GAS7: variants seen among roughly 807,000 people sequenced by gnomAD.
GAS7 encodes growth arrest specific 7, also known as growth arrest-specific protein 7.
GAS7 carries 28 observed loss-of-function variants against 71.1 expected under a neutral mutation model. The ratio of observed to expected loss-of-function variants is 0.39; its 90% CI spans 0.29 to 0.54. The LOEUF is 0.54. Among genes scored for constraint, GAS7 ranks in the 20% least tolerant of loss-of-function variants. The pLI is 0.62. For synonymous variants in GAS7, 258 were observed against 245.8 expected, an observed-to-expected ratio of 1.05 and a Z score of -0.46; for missense variants, 436 against 627.8, an observed-to-expected ratio of 0.69 and a Z score of 3.27.
rs1373552607 is a variant in GAS7 at position 9,969,738 on chromosome 17, G to A, written c.410C>T (p.Thr137Ile). 2.5e-6 allele frequency: 4 copies of A among 1,611,294 alleles called. No homozygotes were observed. The highest frequency in any genetic ancestry group is 1.7e-6 in the Non-Finnish European group (2 of 1,177,428). ...GGCAGTCTCTGGAGGGTGCGCTGGG[G>A]TCCCTGATGCGTGGTATCCATTCAC... ...PTVNGYHASG[T>I]PAHPPETAHM... is the part of the protein sequence containing the mutation. Residue 137 changes from threonine (T) to isoleucine (I), a missense_variant, in exon 4 of 14, where the codon ACC becomes ATC. Coordinates refer to ENST00000432992, the MANE Select transcript of GAS7 (RefSeq NM_201433.2). The surrounding 1 kb of genome is among the most constrained non-coding windows in gnomAD (Gnocchi z 5.5).
chr17:10,026,103 G>T lies in GAS7; in HGVS notation c.184-6206C>A, dbSNP rs1041143826. ...CAACCCGGATGCCACCTCCACCTCC[G>T]GGACTCTCTCCCCCTCCGGAGGTTT... is the stretch of plus-strand genomic sequence containing the variant. On this transcript the variant is annotated intron_variant, in intron 1 of 13. Coordinates refer to ENST00000432992, the MANE Select transcript of GAS7 (RefSeq NM_201433.2). The surrounding 1 kb of genome is among the most constrained non-coding windows in gnomAD (Gnocchi z 4.5). The T allele has an allele frequency of 9.5e-6, 9 of 945,080 alleles. No homozygotes were observed. Among genetic ancestry groups the T allele is most frequent in the Non-Finnish European group, 1.1e-5 (9 of 793,030 alleles). 58.5% of individuals were successfully genotyped at this position (945,080 alleles called of 1,614,324 possible). A position where few individuals can be genotyped will look rare whatever the true frequency, so the allele number is the denominator to read the frequency against.
intron 3 of GAS7, among the ~76,000 whole-genome samples, chr17:9,979,750 C>A (rs188509264): frequency 6.6e-6 from 1 of 152,272 alleles, no homozygotes. Flanking sequence ...CCTTCACCGA[C>A]CACTCTGGCT....
intron 2 of GAS7, among the ~76,000 whole-genome samples, chr17:10,000,437 T>C (rs1281593118): frequency 1.3e-5 from 2 of 152,158 alleles, no homozygotes; most frequent in African/African-American, 4.8e-5. Flanking sequence ...CCAATTACTC[T>C]TGACTTGAAA....
chr17:9,913,574 C>T lies in GAS7; in HGVS notation c.*3654G>A, dbSNP rs558628897. 206 of 230,758 alleles carry T rather than the reference C, an allele frequency of 8.9e-4. No individual in the cohort carries two copies. Among genetic ancestry groups the T allele is most frequent in the Non-Finnish European group, 1.5e-3 (177 of 116,356 alleles). 14.3% of individuals were successfully genotyped at this position (230,758 alleles called of 1,614,324 possible). A position where few individuals can be genotyped will look rare whatever the true frequency, so the allele number is the denominator to read the frequency against. ...TTCGTTGGTACACTGTTTCGGTGTGCCCAGCTGTTTATCAATCCTGACTAG... is the reference window on the plus strand; with the variant it reads ...TTCGTTGGTACACTGTTTCGGTGTGTCCAGCTGTTTATCAATCCTGACTAG... On this transcript the variant is annotated 3_prime_UTR_variant, in exon 14 of 14. Transcript: ENST00000432992.
At chr17:10,173,878 A>C (rs2074353250) in intron 1 of GAS7, among the ~76,000 whole-genome samples, 1 of 152,228 alleles carries the variant, frequency 6.6e-6, no homozygotes, top group South Asian at 2.1e-4. Context: ...CCAAAGAACC[A>C]GCAGCAGCAG....
In GAS7 at chr17:9,979,180, C is replaced by T. The variant is rs141272153; in HGVS notation, c.385+2624G>A. On this transcript the variant is annotated intron_variant, in intron 3 of 13. Coordinates refer to ENST00000432992, the MANE Select transcript of GAS7 (RefSeq NM_201433.2). The stretch of plus-strand genomic sequence containing the variant: ...GGTTTCTTCATTTCAGGCCTTCCTG[C>T]AGTCTTCAGAATGCTAATGTGCCTG... Among the ~76,000 whole-genome samples, 1,135 of 152,308 alleles carry T rather than the reference C, an allele frequency of 7.5e-3. 14 individuals carry two copies. Among genetic ancestry groups the T allele is most frequent in the African/African-American group, 0.026 (1,078 of 41,540 alleles).
At chr17:10,117,002 T>A (rs1261500492) in intron 1 of GAS7, among the ~76,000 whole-genome samples, 1 of 152,132 alleles carries the variant, frequency 6.6e-6, no homozygotes, top group Admixed American at 6.5e-5. Flanking sequence ...CAAATTCCCA[T>A]ACACTAACGG....
At chr17:10,051,296 T>C (rs1048342297) in intron 1 of GAS7, among the ~76,000 whole-genome samples, 2 of 152,218 alleles carry the variant, frequency 1.3e-5, no homozygotes, top group Non-Finnish European at 2.9e-5. Context: ...GAGTCACTCA[T>C]GTTGCCCGGA....
chr17:9,942,024 G>A (rs982234167), intron 7 of GAS7, among the ~76,000 whole-genome samples: 19 of 152,222 alleles, frequency 1.2e-4, no homozygotes, highest in African/African-American at 4.1e-4. Flanking sequence ...AGGCTGAGGC[G>A]GGCAGATTAC....
At position 9,959,385 on chromosome 17, in the gene GAS7, T is replaced by C; in HGVS notation, c.472-130A>G. On this transcript the variant is annotated intron_variant, in intron 4 of 13. Transcript: ENST00000432992. This position sits in a 1 kb window ranked among gnomAD's most constrained non-coding sequence, Gnocchi z 5.0. ...GCTCAGTCTGAATCCTAAGTCACCA[T>C]ATTCTGGGCCAGGGCAAGCAGGGGT... The C allele has an allele frequency of 4.6e-6, 7 of 1,522,476 alleles. No individual in the cohort carries two copies. Among genetic ancestry groups the C allele is most frequent in the Non-Finnish European group, 6.2e-6 (7 of 1,131,136 alleles). The allele number at this position is 1,522,476 out of a possible 1,614,324, so 94.3% of individuals were successfully genotyped here.
chr17:10,115,424 C>T (rs946631063), intron 1 of GAS7, among the ~76,000 whole-genome samples: 3 of 152,194 alleles, frequency 2.0e-5, no homozygotes, highest in Non-Finnish European at 4.4e-5. Flanking sequence ...ACCTCCTCCC[C>T]AACTCAGGAA....
chr17:10,191,390 T>C (rs1228428642), intron 1 of GAS7, among the ~76,000 whole-genome samples: 1 of 150,158 alleles, frequency 6.7e-6, no homozygotes. Context: ...AGAAACATGG[T>C]GAAACCCTGT....
intron 5 of GAS7, among the ~76,000 whole-genome samples, chr17:9,953,136 C>T (rs1482973457): frequency 2.6e-5 from 4 of 151,560 alleles, no homozygotes; most frequent in Non-Finnish European, 5.9e-5. Flanking sequence ...AAACGTGGTA[C>T]ATATACAACA....
At chr17:10,100,920 T>C (rs779711485) in intron 1 of GAS7, among the ~76,000 whole-genome samples, 1 of 152,174 alleles carries the variant, frequency 6.6e-6, no homozygotes, top group Non-Finnish European at 1.5e-5. Flanking sequence ...CTTTGCTTCT[T>C]CTATTGGTTA....
chr17:10,180,419 CA>C (rs1250472782), intron 1 of GAS7, among the ~76,000 whole-genome samples: 1 of 151,862 alleles, frequency 6.6e-6, no homozygotes, highest in East Asian at 1.9e-4. Flanking sequence ...CATGCAAACC[CA>C]GGTCTGATCA....
At chr17:10,071,598 C>T (rs1371998823) in intron 1 of GAS7, among the ~76,000 whole-genome samples, 1 of 152,100 alleles carries the variant, frequency 6.6e-6, no homozygotes, top group Non-Finnish European at 1.5e-5. Context: ...GACTTAGCTT[C>T]AAGCATACAA....
chr17:10,089,347 C>T (rs140994456), intron 1 of GAS7, among the ~76,000 whole-genome samples: 2 of 152,000 alleles, frequency 1.3e-5, no homozygotes, highest in Admixed American at 1.3e-4. Context: ...AATGCAAGCC[C>T]GCAAATCTGG....
At chr17:10,016,235 A>G (rs1396306941) in intron 2 of GAS7, among the ~76,000 whole-genome samples, 1 of 152,014 alleles carries the variant, frequency 6.6e-6, no homozygotes, top group African/African-American at 2.4e-5. Context: ...AATACAAAAA[A>G]TTAGCCAGGT....
chr17:9,957,925 T>C (rs1758977867), intron 5 of GAS7, among the ~76,000 whole-genome samples: 1 of 152,204 alleles, frequency 6.6e-6, no homozygotes, highest in South Asian at 2.1e-4. Context: ...CAAATCCTGA[T>C]ACTTCCCAGC....
Sources: allele counts gnomAD v4.1 joint callset (sites outside exome capture counted in the v4.1 genomes callset), GRCh38; gene constraint gnomAD v4.1.1; non-coding constraint Gnocchi (gnomAD v3.1); transcripts MANE v1.5; gene names NCBI Gene and HGNC (gene_info 2026-07-23, HGNC 2026-07-21).